Variants in SRGAP2C observed in about 807,000 individuals in gnomAD.
The protein encoded by SRGAP2C is SLIT-ROBO Rho GTPase-activating protein 2C.
Under a neutral mutation model 25.1 loss-of-function variants are expected in SRGAP2C, and 15 were observed. The observed-to-expected ratio is 0.60, with a 90% CI of 0.40 to 0.92. The LOEUF is 0.92. Among genes scored for constraint, SRGAP2C ranks in the 40% least tolerant of loss-of-function variants. The probability of loss-of-function intolerance (pLI) is 0.00; values close to 1 mark genes in which losing one functional copy is unlikely to be tolerated. For missense variants in SRGAP2C, 144 were observed against 264.4 expected (o/e 0.54, Z 3.16); for synonymous variants, 44 against 96.6 (o/e 0.46, Z 3.19).
chr1:121,238,189 C>CA (rs2101484601), intron 2 of SRGAP2C, among the ~76,000 whole-genome samples: 1 of 144,420 alleles, frequency 6.9e-6, no homozygotes, highest in Non-Finnish European at 1.5e-5. Context: ...ATCTGGGTGA[C>CA]AAAATCCAAA....
chr1:121,225,850 G>A (rs1287533381), intron 2 of SRGAP2C, among the ~76,000 whole-genome samples: 56 of 138,146 alleles, frequency 4.1e-4, no homozygotes, highest in African/African-American at 6.3e-4. Context: ...GATTACAGGC[G>A]CCCGCCACCA....
rs1553322809 is a variant in SRGAP2C at position 121,208,044 on chromosome 1, A to C, written c.67+20531A>C. 3.3e-5 allele frequency among the ~76,000 whole-genome samples: 5 copies of C among 151,440 alleles called. 1 individual carries two copies. In the South Asian group the frequency reaches 1.0e-3, roughly 31 times the overall value. ...ACCTCTCCTGGCCTCAAGCCTCTTCAGATATAGGATGAACATATAATTCCT... is the reference window on the plus strand; with the variant it reads ...ACCTCTCCTGGCCTCAAGCCTCTTCCGATATAGGATGAACATATAATTCCT... On this transcript the variant is annotated intron_variant, in intron 2 of 9. Transcript: ENST00000367123.
rs1553342777 is a variant in SRGAP2C at position 121,338,951 on chromosome 1, G to T, written c.423+14311G>T. 3.3e-5 allele frequency among the ~76,000 whole-genome samples: 5 copies of T among 149,530 alleles called. No homozygotes were observed. The South Asian group carries it at 6.4e-4, about 19-fold the overall frequency. Reference sequence around the variant, plus strand: ...AGAAAAAATTTTAAAAAGTAGTAACGTGTTTTTTTCAAGATATTGTGGGTA... The same window carrying T: ...AGAAAAAATTTTAAAAAGTAGTAACTTGTTTTTTTCAAGATATTGTGGGTA... On this transcript the variant is annotated intron_variant, in intron 4 of 9. Transcript: ENST00000367123.
intron 2 of SRGAP2C, among the ~76,000 whole-genome samples, chr1:121,191,542 G>T (rs1255228286): frequency 2.1e-5 from 3 of 146,200 alleles, no homozygotes; most frequent in African/African-American, 5.0e-5. Flanking sequence ...TTACAACCCT[G>T]GTCAGATTCA....
intron 2 of SRGAP2C, among the ~76,000 whole-genome samples, chr1:121,206,265 T>C (rs1383635874): frequency 3.3e-5 from 5 of 151,816 alleles, no homozygotes; most frequent in Non-Finnish European, 7.4e-5. Flanking sequence ...GGGTGGACAG[T>C]GGGCAGCCTG....
intron 4 of SRGAP2C, among the ~76,000 whole-genome samples, chr1:121,348,678 G>A (rs1225012000): frequency 6.7e-6 from 1 of 150,284 alleles, no homozygotes; most frequent in Non-Finnish European, 1.5e-5. Context: ...TATATGCAAG[G>A]CATTGTATAA....
chr1:121,209,920 CT>C (rs1553323286), intron 2 of SRGAP2C, among the ~76,000 whole-genome samples: 2 of 138,050 alleles, frequency 1.4e-5, no homozygotes, highest in African/African-American at 5.6e-5. Flanking sequence ...GCAATACACC[CT>C]ATCAGCAAAT....
intron 8 of SRGAP2C, among the ~76,000 whole-genome samples, 153 bp downstream of exon 8, chr1:121,383,078 G>A (rs1553355497): frequency 6.9e-6 from 1 of 145,002 alleles, no homozygotes; most frequent in African/African-American, 2.6e-5. Flanking sequence ...TGAGCAAACA[G>A]TTAGTGAGTG....
intron 3 of SRGAP2C, among the ~76,000 whole-genome samples, chr1:121,285,304 G>A (rs1177353725): frequency 1.3e-5 from 2 of 149,886 alleles, no homozygotes; most frequent in Non-Finnish European, 3.0e-5. Flanking sequence ...CCATATGATG[G>A]TTATTGTTAT....
intron 2 of SRGAP2C, among the ~76,000 whole-genome samples, chr1:121,265,056 G>A (rs1273653398): frequency 1.5e-5 from 1 of 64,902 alleles, no homozygotes; most frequent in Non-Finnish European, 2.9e-5. Flanking sequence ...AATTAGCCGG[G>A]CATGGTGGCA....
At chr1:121,270,058 C>T (rs1570751971) in intron 2 of SRGAP2C, among the ~76,000 whole-genome samples, 2 of 146,776 alleles carry the variant, frequency 1.4e-5, no homozygotes, top group African/African-American at 5.0e-5. Flanking sequence ...GTTCTTTGAT[C>T]GTGGCTTTCC....
chr1:121,391,934 A>G lies in SRGAP2C; in HGVS notation c.*4079A>G, dbSNP rs1358365996. ...AAAACAACTCTCTTCATTATACTCA[A>G]ATGTCAAAAGGAAAACATAAACAAA... is the stretch of plus-strand genomic sequence containing the variant. On this transcript the variant is annotated 3_prime_UTR_variant, in exon 10 of 10. Coordinates refer to ENST00000367123, the MANE Select transcript of SRGAP2C (RefSeq NM_001329984.2). 2.6e-5 allele frequency: 4 copies of G among 152,408 alleles called. No homozygotes were observed. Among genetic ancestry groups the G allele is most frequent in the South Asian group, 2.1e-4 (1 of 4,834 alleles). 9.4% of individuals were successfully genotyped at this position (152,408 alleles called of 1,614,324 possible).
At chr1:121,315,446 CA>C (rs1553340521) in intron 3 of SRGAP2C, among the ~76,000 whole-genome samples, 40 of 149,396 alleles carry the variant, frequency 2.7e-4, no homozygotes, top group Non-Finnish European at 5.2e-4. Flanking sequence ...GCGCTTTCCA[CA>C]GAGTGTAGAT....
chr1:121,362,730 G>A (rs1659227656), intron 4 of SRGAP2C: 1 of 149,714 alleles, frequency 6.7e-6, no homozygotes, highest in East Asian at 2.0e-4. Context: ...GGCTCAGAGT[G>A]AGTCATGTTG....
intron 2 of SRGAP2C, among the ~76,000 whole-genome samples, chr1:121,217,213 C>T (rs1310487948): frequency 4.0e-5 from 6 of 151,788 alleles, no homozygotes; most frequent in Non-Finnish European, 5.9e-5. Flanking sequence ...CTGAAAATGC[C>T]TCCTCATCCT....
At chr1:121,325,571 CT>C (rs1658303142) in intron 4 of SRGAP2C, among the ~76,000 whole-genome samples, 1 of 94,948 alleles carries the variant, frequency 1.1e-5, no homozygotes, top group Non-Finnish European at 2.1e-5. Context: ...GGCAAATAAT[CT>C]TCCTAAAAGT....
chr1:121,372,059 A>G (rs587654923), intron 5 of SRGAP2C, among the ~76,000 whole-genome samples: 112 of 152,178 alleles, frequency 7.4e-4, no homozygotes, highest in African/African-American at 2.4e-3. Flanking sequence ...TTTCTTCTGT[A>G]TAGAAAATAT....
chr1:121,323,487 G>A (rs1220421965), intron 3 of SRGAP2C, among the ~76,000 whole-genome samples: 5 of 141,054 alleles, frequency 3.5e-5, no homozygotes, highest in Admixed American at 1.4e-4. Flanking sequence ...GTGGTGGCAG[G>A]TGCCTATAAT....
chr1:121,306,345 C>T (rs1213187987), intron 3 of SRGAP2C, among the ~76,000 whole-genome samples: 1 of 134,506 alleles, frequency 7.4e-6, no homozygotes. Context: ...CTGCTTTCTC[C>T]CAGTGTTCTG....
Sources: allele counts gnomAD v4.1 joint callset (sites outside exome capture counted in the v4.1 genomes callset), GRCh38; gene constraint gnomAD v4.1.1; transcripts MANE v1.5; gene names NCBI Gene and HGNC (gene_info 2026-07-23, HGNC 2026-07-21).